CSF2RA: variants seen among roughly 807,000 people sequenced by gnomAD.
CSF2RA encodes the protein colony stimulating factor 2 receptor subunit alpha, also known as granulocyte-macrophage colony-stimulating factor receptor subunit alpha.
CSF2RA carries 42 observed loss-of-function variants against 51.6 expected under a neutral mutation model. The ratio of observed to expected loss-of-function variants is 0.81; its 90% confidence interval spans 0.64 to 1.05. CSF2RA has a LOEUF of 1.05. Ranked by LOEUF, CSF2RA falls within the 50% of genes least tolerant of loss-of-function variation. The pLI is 0.00. For missense variants in CSF2RA, 530 were observed against 501.1 expected (o/e 1.06, Z -0.55); for synonymous variants, 222 against 193.0 (o/e 1.15, Z -1.24).
In CSF2RA at chrX:1,300,589, C is replaced by G. The variant is rs1227933475; in HGVS notation, c.909C>G (p.Ile303Met). Residue 303 changes from isoleucine to methionine, a missense_variant, in exon 10 of 13, where the codon ATC (isoleucine) becomes ATG (methionine). Coordinates refer to ENST00000381529, the MANE Select transcript of CSF2RA (RefSeq NM_172245.4). ...AGATCAGAGCTGCAGACGTCCGCAT[C>G]TTGAATTGGAGCTCCTGGAGTGAAG... ...SVKIRAADVR[I>M]LNWSSWSEAI... 1 of 1,613,794 alleles carries G rather than the reference C, an allele frequency of 6.2e-7. No individual in the cohort carries two copies. Among genetic ancestry groups the G allele is most frequent in the Non-Finnish European group, 8.5e-7 (1 of 1,179,856 alleles).
At chrX:1,287,261 C>T (rs2090809082) in intron 4 of CSF2RA, 1 of 147,396 alleles carries the variant, frequency 6.8e-6, no homozygotes, top group African/African-American at 2.5e-5. Context: ...TCAAGCGATT[C>T]TCCTATCTCA....
chrX:1,290,201 T>G (rs749238737), intron 6 of CSF2RA, 136 bp from the exon 7 acceptor site: 29 of 722,234 alleles, frequency 4.0e-5, no homozygotes, highest in Admixed American at 6.2e-5. Flanking sequence ...GGGTTTTTTT[T>G]GTTTTGTGTT....
At chrX:1,298,647 GTGGAACCCTAC>G (rs1569507866) in intron 9 of CSF2RA, among the ~76,000 whole-genome samples, 1 of 8,120 alleles carries the variant, frequency 1.2e-4, no homozygotes, top group African/African-American at 2.0e-4. Context: ...ATGACCCCTG[GTGGAACCCTAC>G]AGTCCCCTAC....
chrX:1,297,179 AGT>A (rs1171684974), intron 9 of CSF2RA, among the ~76,000 whole-genome samples: 1 of 27,208 alleles, frequency 3.7e-5, no homozygotes, highest in East Asian at 6.8e-4. Flanking sequence ...CGACCCCTAC[AGT>A]CTCCTACACA....
intron 2 of CSF2RA, among the ~76,000 whole-genome samples, chrX:1,280,973 CCTG>C (rs1261349831): frequency 1.2e-4 from 15 of 124,974 alleles, no homozygotes; most frequent in African/African-American, 3.4e-4. Context: ...TTCTCCTCCT[CCTG>C]CTTCTCCTCC....
At chrX:1,297,842 G>A (rs867443379) in intron 9 of CSF2RA, among the ~76,000 whole-genome samples, 3,613 of 80,376 alleles carry the variant, frequency 0.045, no homozygotes, top group East Asian at 0.064. Context: ...CCCTACTCAC[G>A]ACCCCTACAC....
At chrX:1,311,988 G>A (rs377072475), downstream of CSF2RA, among the ~76,000 whole-genome samples, 6 of 151,168 alleles carry the variant, frequency 4.0e-5, no homozygotes, top group Admixed American at 6.6e-5. Flanking sequence ...ATGGAGTCTC[G>A]CTCTGTCATT....
chrX:1,303,893 C>A, intron 10 of CSF2RA, 30 bp from the exon 11 acceptor site: 1 of 1,547,326 alleles, frequency 6.5e-7, no homozygotes. Flanking sequence ...CAACGATTCA[C>A]CGCAGACGCA....
downstream of CSF2RA, among the ~76,000 whole-genome samples, chrX:1,314,513 TGCACCTGCCCAATCCC>T (rs2084401915): frequency 8.7e-6 from 1 of 114,740 alleles, no homozygotes. Flanking sequence ...CCAACCGCAC[TGCACCTGCCCAATCCC>T]ACTGCACCTG....
intron 6 of CSF2RA, among the ~76,000 whole-genome samples, chrX:1,290,039 GTTT>G (rs1377932274): frequency 2.8e-5 from 3 of 107,278 alleles, no homozygotes; most frequent in African/African-American, 7.1e-5. Flanking sequence ...GTTTTGTTTT[GTTT>G]TGTGTTTTTG....
intron 8 of CSF2RA, 117 bp downstream of exon 8, chrX:1,294,578 G>A (rs1189440190): frequency 6.0e-5 from 82 of 1,359,528 alleles, no homozygotes; most frequent in East Asian, 2.1e-4. Context: ...GGTGGTGAGC[G>A]GTGACTCTGG....
chrX:1,290,647 C>T (rs1425440467), intron 7 of CSF2RA, 138 bp downstream of exon 7: 2 of 871,314 alleles, frequency 2.3e-6, no homozygotes, highest in South Asian at 1.3e-5. Context: ...GGCCGATCAC[C>T]TGAGATCGGG....
chrX:1,310,625 A>G (rs774073651), downstream of CSF2RA, among the ~76,000 whole-genome samples: 1,058 of 150,468 alleles, frequency 7.0e-3, 14 homozygotes, highest in African/African-American at 0.025. Context: ...CCGAGATCAC[A>G]ACACCGCACT....
At chrX:1,317,238 A>AGGC in the CSF2RA span, among the ~76,000 whole-genome samples, 4 of 120,214 alleles carry the variant, frequency 3.3e-5, no homozygotes, top group African/African-American at 9.8e-5. Context: ...GTGAGCCACC[A>AGGC]CGCTCAGCTT....
chrX:1,303,985 G>T lies in CSF2RA; in HGVS notation c.1009G>T (p.Val337Phe), dbSNP rs772671224. The stretch of plus-strand genomic sequence containing the variant: ...TGTGCTCCTAATCGTGGGAACCCTT[G>T]TCTGTGGCATCGTCCTCGGCTTCCT... ...IYVLLIVGTL[V>F]CGIVLGFLFK... is the part of the protein sequence containing the mutation. Residue 337 changes from valine to phenylalanine, a missense_variant, in exon 11 of 13, where the codon GTC (valine) becomes TTC (phenylalanine). Val to Phe is a conservative substitution (Grantham distance 50, BLOSUM62 -1). Coordinates refer to ENST00000381529, the MANE Select transcript of CSF2RA (RefSeq NM_172245.4). The T allele has an allele frequency of 1.9e-6, 3 of 1,613,108 alleles. No individual in the cohort carries two copies. The highest frequency in any genetic ancestry group is 8.5e-7 in the Non-Finnish European group (1 of 1,179,754).
chrX:1,280,449 T>A lies in CSF2RA; in HGVS notation c.-26-2229T>A, dbSNP rs1215483344. Reference sequence around the variant, plus strand: ...TTGCACCACTGCACTCCAGCCTGGGTGACAAGAGTGAAACTCCGTCTCAAA... The same window carrying A: ...TTGCACCACTGCACTCCAGCCTGGGAGACAAGAGTGAAACTCCGTCTCAAA... On this transcript the variant is annotated intron_variant, in intron 2 of 12. Transcript: ENST00000381529. Among the ~76,000 whole-genome samples the A allele has an allele frequency of 5.0e-4, 67 of 134,156 alleles. No homozygotes were observed. In the East Asian group the frequency reaches 9.1e-3, roughly 18 times the overall value. 88.0% of individuals were successfully genotyped at this position (134,156 alleles called of 152,430 possible). A position where few individuals can be genotyped will look rare whatever the true frequency, so the allele number is the denominator to read the frequency against.
chrX:1,309,706 G>C lies in CSF2RA; in HGVS notation c.*227G>C, dbSNP rs529274954. On this transcript the variant is annotated 3_prime_UTR_variant, in exon 13 of 13. Transcript: ENST00000381529. ...GTTCAAGACCAGCCTGCCCAACATG[G>C]TGAAACCCCATCTGGACTAAAAATG... 1.0e-6 allele frequency: 1 copy of C among 965,270 alleles called. No individual in the cohort carries two copies. The highest frequency in any genetic ancestry group is 1.7e-6 in the Non-Finnish European group (1 of 598,572). The allele number at this position is 965,270 out of a possible 1,614,324, so 59.8% of individuals were successfully genotyped here. A position where few individuals can be genotyped will look rare whatever the true frequency, so the allele number is the denominator to read the frequency against.
chrX:1,292,786 C>T (rs1346004358), intron 7 of CSF2RA, among the ~76,000 whole-genome samples: 2 of 152,166 alleles, frequency 1.3e-5, no homozygotes, highest in South Asian at 2.1e-4. Context: ...AGGCAGGAGA[C>T]GGAGGGCTTC....
chrX:1,323,295 C>G, the CSF2RA span, among the ~76,000 whole-genome samples: 197 of 147,244 alleles, frequency 1.3e-3, 3 homozygotes, highest in Admixed American at 7.3e-3. Flanking sequence ...GGGCGGATCA[C>G]CTGAGGTCGG....
Sources: allele counts gnomAD v4.1 joint callset (sites outside exome capture counted in the v4.1 genomes callset), GRCh38; gene constraint gnomAD v4.1.1; transcripts MANE v1.5; gene names NCBI Gene and HGNC (gene_info 2026-07-23, HGNC 2026-07-21).